CADM2: variants seen among roughly 807,000 people sequenced by gnomAD.
CADM2 encodes immunoglobulin superfamily member 4D.
A neutral mutation model predicts 49.8 loss-of-function variants in CADM2; 12 were observed. That is an observed-to-expected ratio of 0.24 (90% CI 0.15 to 0.39). The LOEUF is 0.39. Ranked by LOEUF, CADM2 falls within the 10% of genes least tolerant of loss-of-function variation. CADM2 has a pLI of 1.00. For synonymous variants in CADM2, 214 were observed against 175.4 expected, an observed-to-expected ratio of 1.22 and a Z score of -1.74; for missense variants, 378 against 492.3, an observed-to-expected ratio of 0.77 and a Z score of 2.20.
At chr3:85,590,418 A>T (rs547091894) in intron 1 of CADM2, among the ~76,000 whole-genome samples, 1 of 151,956 alleles carries the variant, frequency 6.6e-6, no homozygotes, top group Non-Finnish European at 1.5e-5. Context: ...AAACTTTTAG[A>T]CTGAAAGCAA....
chr3:85,511,960 T>C (rs1487498785), intron 1 of CADM2: 3 of 785,606 alleles, frequency 3.8e-6, no homozygotes, highest in Non-Finnish European at 4.6e-6. Context: ...TAAATATATA[T>C]GTGGTTTTGA....
intron 5 of CADM2, among the ~76,000 whole-genome samples, chr3:85,895,189 G>A (rs1715055317): frequency 6.6e-6 from 1 of 152,196 alleles, no homozygotes. Flanking sequence ...CCATCTGGGT[G>A]CAGCTGCCTA....
At chr3:85,846,652 T>G (rs930275025) in intron 3 of CADM2, among the ~76,000 whole-genome samples, 2 of 152,042 alleles carry the variant, frequency 1.3e-5, no homozygotes, top group African/African-American at 4.8e-5. Context: ...CAATCGCATG[T>G]AGCCAGGAGT....
At chr3:84,977,730 A>G (rs2031915161) in intron 1 of CADM2, among the ~76,000 whole-genome samples, 1 of 152,066 alleles carries the variant, frequency 6.6e-6, no homozygotes, top group Non-Finnish European at 1.5e-5. Flanking sequence ...AGAATACCAC[A>G]ACAGAATAGT....
chr3:85,611,447 A>G (rs2063680326), intron 1 of CADM2, among the ~76,000 whole-genome samples: 1 of 151,952 alleles, frequency 6.6e-6, no homozygotes, highest in Non-Finnish European at 1.5e-5. Context: ...GTTTTAAAAT[A>G]AAATGTGAAA....
intron 8 of CADM2, among the ~76,000 whole-genome samples, chr3:85,998,747 T>C (rs1030839424): frequency 6.6e-6 from 1 of 151,918 alleles, no homozygotes; most frequent in African/African-American, 2.4e-5. Flanking sequence ...GGATGGAAGA[T>C]TGAGAAAGAA....
chr3:85,885,296 G>C (rs1337283013), intron 4 of CADM2, among the ~76,000 whole-genome samples: 1 of 151,384 alleles, frequency 6.6e-6, no homozygotes, highest in Non-Finnish European at 1.5e-5. Flanking sequence ...CAGCACTTTG[G>C]GAGGCCGAGG....
Position 85,289,904 on chromosome 3 carries a change from A to C in CADM2, c.61+330236A>C, listed in dbSNP as rs558374180. Among the ~76,000 whole-genome samples, 4 of 152,322 alleles carry C rather than the reference A, an allele frequency of 2.6e-5. No individual in the cohort carries two copies. In the East Asian group the frequency reaches 7.7e-4, roughly 29 times the overall value. On this transcript the variant is annotated intron_variant, in intron 1 of 9. Coordinates refer to ENST00000383699, the MANE Select transcript of CADM2 (RefSeq NM_001167675.2). The stretch of plus-strand genomic sequence containing the variant: ...TTAGATATGTTAAATAAATTAACTA[A>C]GGTTATATATCTAAGAAGTAGTAAA...
chr3:85,478,407 GTCTC>G (rs2039070980), intron 1 of CADM2, among the ~76,000 whole-genome samples: 1 of 151,852 alleles, frequency 6.6e-6, no homozygotes, highest in African/African-American at 2.4e-5. Context: ...TGAGTAATCT[GTCTC>G]TATAGTGTCT....
At chr3:85,893,006 G>A (rs1286970180) in intron 5 of CADM2, among the ~76,000 whole-genome samples, 2 of 152,178 alleles carry the variant, frequency 1.3e-5, no homozygotes, top group Non-Finnish European at 2.9e-5. Flanking sequence ...GGTCTCAGAG[G>A]GAGATGAGAA....
At chr3:85,379,236 A>G (rs1179652457) in intron 1 of CADM2, among the ~76,000 whole-genome samples, 1 of 151,994 alleles carries the variant, frequency 6.6e-6, no homozygotes, top group Non-Finnish European at 1.5e-5. Context: ...AAAACATGAC[A>G]GCTAAAAATT....
At chr3:85,395,074 C>A (rs940316130) in intron 1 of CADM2, among the ~76,000 whole-genome samples, 1 of 151,314 alleles carries the variant, frequency 6.6e-6, no homozygotes, top group East Asian at 1.9e-4. Flanking sequence ...CACAACAACC[C>A]AAATAACGAA....
At chr3:86,003,148 T>C (rs900219876) in intron 8 of CADM2, among the ~76,000 whole-genome samples, 2 of 152,162 alleles carry the variant, frequency 1.3e-5, no homozygotes, top group Admixed American at 6.5e-5. Context: ...TGCTTTACTC[T>C]AGAGAAAATG....
In CADM2 at chr3:86,072,959, C is replaced by A. The variant is rs1703369056; in HGVS notation, c.*6176C>A. 1 of 152,048 alleles carries A rather than the reference C, an allele frequency of 6.6e-6. No individual in the cohort carries two copies. 9.4% of individuals were successfully genotyped at this position (152,048 alleles called of 1,614,324 possible). On this transcript the variant is annotated 3_prime_UTR_variant, in exon 10 of 10. Coordinates refer to ENST00000383699, the MANE Select transcript of CADM2 (RefSeq NM_001167675.2). Reference sequence around the variant, plus strand: ...TTACAAATTTATTTAACTGTACCTACTGTACTTATTGTAGATTCAATGACG... The same window carrying A: ...TTACAAATTTATTTAACTGTACCTAATGTACTTATTGTAGATTCAATGACG...
At chr3:85,845,483 C>A (rs1426390433) in intron 3 of CADM2, among the ~76,000 whole-genome samples, 1 of 152,126 alleles carries the variant, frequency 6.6e-6, no homozygotes, top group Non-Finnish European at 1.5e-5. Context: ...TAAGCTATTC[C>A]TGTAAAGTTA....
At chr3:85,316,242 T>C (rs182854759) in intron 1 of CADM2, among the ~76,000 whole-genome samples, 56 of 152,308 alleles carry the variant, frequency 3.7e-4, no homozygotes, top group Admixed American at 1.3e-3. Flanking sequence ...ATTTTCTCTG[T>C]TGACCATCTA....
intron 8 of CADM2, among the ~76,000 whole-genome samples, chr3:85,983,064 C>T (rs1226704110): frequency 1.3e-5 from 2 of 151,616 alleles, no homozygotes; most frequent in Admixed American, 6.6e-5. Flanking sequence ...TTTTACAACT[C>T]CTGCTATTGC....
chr3:86,040,297 G>A (rs546770872), intron 8 of CADM2, among the ~76,000 whole-genome samples: 1 of 152,272 alleles, frequency 6.6e-6, no homozygotes, highest in African/African-American at 2.4e-5. Flanking sequence ...GCTAAAGGAG[G>A]AAGTTCAAAC....
chr3:85,861,193 T>C (rs1392329494), intron 3 of CADM2, among the ~76,000 whole-genome samples: 1 of 152,170 alleles, frequency 6.6e-6, no homozygotes, highest in Non-Finnish European at 1.5e-5. Flanking sequence ...GTTAGGAGTC[T>C]CAAAAATCCA....
Sources: allele counts gnomAD v4.1 joint callset (sites outside exome capture counted in the v4.1 genomes callset), GRCh38; gene constraint gnomAD v4.1.1; transcripts MANE v1.5; gene names NCBI Gene and HGNC (gene_info 2026-07-23, HGNC 2026-07-21).